Variants in ZNF423 observed in about 807,000 individuals in gnomAD.
ZNF423 encodes Ebf-associated zinc finger protein.
In ZNF423, 12 loss-of-function variants were observed where a neutral mutation model predicts 95.8. The ratio of observed to expected loss-of-function variants is 0.13; its 90% confidence interval spans 0.08 to 0.20. The LOEUF is 0.20. Ranked by LOEUF, ZNF423 falls within the 10% of genes least tolerant of loss-of-function variation. ZNF423 has a pLI of 1.00. For missense variants in ZNF423, 1,316 were observed against 1,737.1 expected, an observed-to-expected ratio of 0.76 and a Z score of 4.31; for synonymous variants, 749 against 711.9, an observed-to-expected ratio of 1.05 and a Z score of -0.83.
rs754533335 is a variant in ZNF423, at chr16:49,638,309, G to A, written c.867C>T (p.His289=). ...ACAGCTGCGGGTGGCGGGTGAGCACGTGCTTCTCCAGCTCCTCCGTCTGGC... is the reference window on the plus strand; with the variant it reads ...ACAGCTGCGGGTGGCGGGTGAGCACATGCTTCTCCAGCTCCTCCGTCTGGC... The part of the protein sequence containing the change: ...TFSQTEELEK[H]VLTRHPQLSE... The change falls in exon 4 of 8, where the codon CAC becomes CAT. Residue 289 remains histidine (H), a synonymous_variant. Coordinates refer to ENST00000563137, the MANE Select transcript of ZNF423 (RefSeq NM_001379286.1). The surrounding 1 kb of genome is among the most constrained non-coding windows in gnomAD (Gnocchi z 5.6). The A allele has an allele frequency of 8.7e-6, 14 of 1,613,840 alleles. No individual in the cohort carries two copies. Among genetic ancestry groups the A allele is most frequent in the African/African-American group, 1.3e-5 (1 of 74,930 alleles).
chr16:49,617,212 A>T (rs1971907909), intron 5 of ZNF423, among the ~76,000 whole-genome samples: 1 of 152,170 alleles, frequency 6.6e-6, no homozygotes, highest in Non-Finnish European at 1.5e-5. Flanking sequence ...GGCCAGTGGA[A>T]GAGGCCTTCC....
intron 1 of ZNF423, among the ~76,000 whole-genome samples, chr16:49,833,769 C>G (rs1156462955): frequency 3.6e-5 from 5 of 138,390 alleles, no homozygotes; most frequent in Non-Finnish European, 7.8e-5. Context: ...ATATGTTATA[C>G]TTGTTTTTCA....
intron 5 of ZNF423, among the ~76,000 whole-genome samples, chr16:49,615,128 TCTCACACACACACA>T (rs1346344874): frequency 2.0e-5 from 2 of 98,452 alleles, no homozygotes; most frequent in African/African-American, 7.4e-5. Flanking sequence ...AGAAACTCCA[TCTCACACACACACA>T]CACACACACA....
At chr16:49,649,808 G>A (rs943010225) in intron 3 of ZNF423, among the ~76,000 whole-genome samples, 2 of 152,196 alleles carry the variant, frequency 1.3e-5, no homozygotes, top group African/African-American at 4.8e-5. Context: ...AAAGGGATGA[G>A]GCTATTGGAG....
At chr16:49,786,063 G>A (rs1375208775) in intron 2 of ZNF423, among the ~76,000 whole-genome samples, 3 of 152,212 alleles carry the variant, frequency 2.0e-5, no homozygotes, top group African/African-American at 7.2e-5. Flanking sequence ...CAGATGAAGT[G>A]CTCCTTCCCC....
chr16:49,671,177 G>A (rs1020008427), intron 3 of ZNF423, among the ~76,000 whole-genome samples: 4 of 152,308 alleles, frequency 2.6e-5, no homozygotes, highest in African/African-American at 9.6e-5. Context: ...GTCACCCAGG[G>A]GGCACAGAAG....
At chr16:49,791,274 T>A (rs935421151) in intron 1 of ZNF423, among the ~76,000 whole-genome samples, 1 of 152,170 alleles carries the variant, frequency 6.6e-6, no homozygotes, top group African/African-American at 2.4e-5. Flanking sequence ...GGTTTTCAAA[T>A]GTGCAGCTTT....
chr16:49,790,016 C>A (rs1272994172), intron 1 of ZNF423, among the ~76,000 whole-genome samples: 2 of 152,162 alleles, frequency 1.3e-5, no homozygotes, highest in Non-Finnish European at 2.9e-5. Context: ...CCCATTCCAC[C>A]CAGGACCCCA....
chr16:49,815,914 A>ATTTTTTTT (rs58692079), intron 1 of ZNF423, among the ~76,000 whole-genome samples: 3 of 29,796 alleles, frequency 1.0e-4, no homozygotes, highest in African/African-American at 2.6e-4. Flanking sequence ...ATATATATAT[A>ATTTTTTTT]TTTTTTTTTT....
At chr16:49,766,644 C>T (rs986403336) in intron 2 of ZNF423, among the ~76,000 whole-genome samples, 3 of 152,346 alleles carry the variant, frequency 2.0e-5, no homozygotes, top group African/African-American at 7.2e-5. Context: ...GAGCCTGAGC[C>T]GTGGGGAAGC....
chr16:49,662,501 A>G (rs1415448820), intron 3 of ZNF423, among the ~76,000 whole-genome samples: 1 of 152,222 alleles, frequency 6.6e-6, no homozygotes, highest in Admixed American at 6.5e-5. Flanking sequence ...TATAAATACG[A>G]ATAAGTGCCT....
chr16:49,728,008 T>C (rs1424161702), intron 3 of ZNF423, among the ~76,000 whole-genome samples: 3 of 152,144 alleles, frequency 2.0e-5, no homozygotes, highest in African/African-American at 4.8e-5. Flanking sequence ...GCCCCAGGTA[T>C]AAAACAGACT....
At chr16:49,800,179 G>A (rs2034560407) in intron 1 of ZNF423, among the ~76,000 whole-genome samples, 1 of 152,046 alleles carries the variant, frequency 6.6e-6, no homozygotes, top group Non-Finnish European at 1.5e-5. Flanking sequence ...GGGAGGCAGG[G>A]GTTGCAGTGA....
intron 1 of ZNF423, among the ~76,000 whole-genome samples, chr16:49,801,232 C>T (rs994012026): frequency 1.3e-5 from 2 of 152,194 alleles, no homozygotes; most frequent in Non-Finnish European, 2.9e-5. Flanking sequence ...AGGAGACAGA[C>T]GCCAGCCTGG....
chr16:49,621,544 T>C (rs1972084567), intron 5 of ZNF423, among the ~76,000 whole-genome samples: 1 of 151,998 alleles, frequency 6.6e-6, no homozygotes, highest in Non-Finnish European at 1.5e-5. Context: ...GCAGTCCGGG[T>C]CCCAGGGGAG....
At chr16:49,701,490 G>A (rs1237108214) in intron 3 of ZNF423, among the ~76,000 whole-genome samples, 2 of 152,040 alleles carry the variant, frequency 1.3e-5, no homozygotes. Flanking sequence ...GAGGGGAGGG[G>A]AGCAAGTGGG....
rs911484016 is a variant in ZNF423 at position 49,586,536 on chromosome 16, C to T, written c.3601+39634G>A. The stretch of plus-strand genomic sequence containing the variant: ...CAGCACACCAATAAATTAAGATATT[C>T]CTGGCCGCATCTGCACGAGGGAAAT... On this transcript the variant is annotated intron_variant, in intron 5 of 7. Transcript: ENST00000563137. 2.8e-4 allele frequency among the ~76,000 whole-genome samples: 42 copies of T among 152,218 alleles called. 1 individual carries two copies. The highest frequency in any genetic ancestry group is 8.4e-4 in the African/African-American group (35 of 41,456).
intron 3 of ZNF423, among the ~76,000 whole-genome samples, chr16:49,712,679 G>C (rs1397912544): frequency 6.6e-6 from 1 of 152,238 alleles, no homozygotes; most frequent in African/African-American, 2.4e-5. Context: ...ACATCACCTT[G>C]CCCTGCACAC....
intron 2 of ZNF423, among the ~76,000 whole-genome samples, chr16:49,740,654 C>T (rs913761873): frequency 6.6e-6 from 1 of 152,188 alleles, no homozygotes; most frequent in Non-Finnish European, 1.5e-5. Context: ...CCCGGTGTCC[C>T]TATCGGTGCC....
Sources: allele counts gnomAD v4.1 joint callset (sites outside exome capture counted in the v4.1 genomes callset), GRCh38; gene constraint gnomAD v4.1.1; non-coding constraint Gnocchi (gnomAD v3.1); transcripts MANE v1.5; gene names NCBI Gene and HGNC (gene_info 2026-07-23, HGNC 2026-07-21).